Variants in GABRA2 observed in about 807,000 individuals in gnomAD.
GABRA2 encodes the protein gamma-aminobutyric acid type A receptor subunit alpha2.
A neutral mutation model predicts 48.7 loss-of-function variants in GABRA2; 16 were observed. The observed-to-expected ratio is 0.33, with a 90% CI of 0.22 to 0.50. The LOEUF (loss-of-function observed/expected upper bound fraction) is 0.50. GABRA2 is among the 20% of genes least tolerant of loss of function. The probability of loss-of-function intolerance (pLI) is 0.98; values close to 1 mark genes in which losing one functional copy is unlikely to be tolerated. For synonymous variants in GABRA2, 185 were observed against 184.5 expected (o/e 1.00, Z -0.02); for missense variants, 275 against 535.6 (o/e 0.51, Z 4.80).
chr4:46,356,056 C>T (rs1188929485), intron 3 of GABRA2, among the ~76,000 whole-genome samples: 1 of 152,156 alleles, frequency 6.6e-6, no homozygotes, highest in East Asian at 1.9e-4. Flanking sequence ...AAGGTGCCAA[C>T]ACTATACCCC....
intron 8 of GABRA2, among the ~76,000 whole-genome samples, chr4:46,301,283 C>T (rs540873913): frequency 6.6e-6 from 1 of 152,208 alleles, no homozygotes; most frequent in Admixed American, 6.5e-5. Flanking sequence ...TAAATATGTA[C>T]AGATTTTTAC....
intron 8 of GABRA2, among the ~76,000 whole-genome samples, chr4:46,291,796 T>TATATATAC (rs1292821999): frequency 1.1e-4 from 16 of 150,270 alleles, no homozygotes; most frequent in Admixed American, 4.0e-4. Flanking sequence ...TATATACATA[T>TATATATAC]ACATATATAT....
chr4:46,273,504 T>TATATATATATATATATATATATATATGC (rs1719853857), intron 8 of GABRA2, among the ~76,000 whole-genome samples: 17 of 19,958 alleles, frequency 8.5e-4, no homozygotes, highest in Non-Finnish European at 1.2e-3. Flanking sequence ...TATATATGCA[T>TATATATATATATATATATATATATATGC]ATATATATAT....
chr4:46,269,019 T>G (rs932712351), intron 8 of GABRA2, among the ~76,000 whole-genome samples: 71 of 151,792 alleles, frequency 4.7e-4, no homozygotes, highest in African/African-American at 1.7e-3. Context: ...AGAAGAATGG[T>G]AGTCACTAGA....
At chr4:46,327,856 T>G (rs1287306176) in intron 4 of GABRA2, among the ~76,000 whole-genome samples, 1 of 152,054 alleles carries the variant, frequency 6.6e-6, no homozygotes, top group Non-Finnish European at 1.5e-5. Flanking sequence ...TCAAGATTAC[T>G]TCAAAGTTTT....
intron 8 of GABRA2, among the ~76,000 whole-genome samples, chr4:46,283,745 G>A (rs1721981048): frequency 1.3e-5 from 2 of 152,054 alleles, no homozygotes; most frequent in South Asian, 2.1e-4. Context: ...TGTTTGATTC[G>A]AGTTTCTTAG....
chr4:46,330,589 T>TAGAG lies in GABRA2; in HGVS notation c.255+2025_255+2026insCTCT, dbSNP rs1322712224. Among the ~76,000 whole-genome samples, 901 of 124,622 alleles carry TAGAG rather than the reference T, an allele frequency of 7.2e-3. 4 individuals carry two copies. The highest frequency in any genetic ancestry group is 0.011 in the Non-Finnish European group (630 of 58,664). 81.8% of individuals were successfully genotyped at this position (124,622 alleles called of 152,430 possible). ...ATATATATATATATATATATATATA[T>TAGAG]ATAGAGAGAGAGAGAGAGAGATGTT... On this transcript the variant is annotated intron_variant, in intron 4 of 9. Coordinates refer to ENST00000381620, the MANE Select transcript of GABRA2 (RefSeq NM_000807.4).
chr4:46,319,435 A>G (rs1729081593), intron 4 of GABRA2, among the ~76,000 whole-genome samples: 1 of 151,800 alleles, frequency 6.6e-6, no homozygotes, highest in Non-Finnish European at 1.5e-5. Flanking sequence ...CATGTAGTCT[A>G]TGAAGCAGGT....
At chr4:46,255,701 G>T (rs1715678204) in intron 9 of GABRA2, among the ~76,000 whole-genome samples, 1 of 151,436 alleles carries the variant, frequency 6.6e-6, no homozygotes, top group African/African-American at 2.4e-5. Context: ...TGTTTTGAGT[G>T]TATTACTTTA....
At chr4:46,319,734 A>G (rs191814397) in intron 4 of GABRA2, among the ~76,000 whole-genome samples, 57 of 151,892 alleles carry the variant, frequency 3.8e-4, no homozygotes, top group Admixed American at 2.0e-3. Context: ...TCTTTTTGGA[A>G]CTAGGGGCCA....
chr4:46,307,782 C>T (rs1341503915), intron 6 of GABRA2, among the ~76,000 whole-genome samples: 1 of 152,100 alleles, frequency 6.6e-6, no homozygotes, highest in African/African-American at 2.4e-5. Flanking sequence ...TTTGAAAAAG[C>T]AGTTACTGCA....
chr4:46,280,949 C>G (rs1721415346), intron 8 of GABRA2, among the ~76,000 whole-genome samples: 1 of 152,098 alleles, frequency 6.6e-6, no homozygotes, highest in Non-Finnish European at 1.5e-5. Context: ...GAAAGACAGC[C>G]CTCACCAGAA....
At chr4:46,329,994 A>T (rs1731055772) in intron 4 of GABRA2, among the ~76,000 whole-genome samples, 1 of 152,128 alleles carries the variant, frequency 6.6e-6, no homozygotes, top group African/African-American at 2.4e-5. Flanking sequence ...AAGATGCTGA[A>T]TATGCATTTC....
At chr4:46,344,493 T>C (rs1733817501) in intron 3 of GABRA2, among the ~76,000 whole-genome samples, 1 of 151,938 alleles carries the variant, frequency 6.6e-6, no homozygotes, top group African/African-American at 2.4e-5. Context: ...AAGAGAACTC[T>C]AGCAAAAGGG....
At chr4:46,352,584 A>G (rs896334692) in intron 3 of GABRA2, among the ~76,000 whole-genome samples, 5 of 152,008 alleles carry the variant, frequency 3.3e-5, no homozygotes, top group African/African-American at 1.2e-4. Context: ...GTTCCTAAGG[A>G]TATATCAACA....
chr4:46,262,952 AAGAAAGAGAGAGAG>A (rs1490464207), intron 8 of GABRA2, among the ~76,000 whole-genome samples: 9 of 139,528 alleles, frequency 6.5e-5, no homozygotes, highest in African/African-American at 1.6e-4. Flanking sequence ...GAAAGAAAGA[AAGAAAGAGAGAGAG>A]AGAGAGAGAG....
intron 3 of GABRA2, among the ~76,000 whole-genome samples, chr4:46,352,756 G>A (rs1312767367): frequency 2.0e-5 from 3 of 152,024 alleles, no homozygotes; most frequent in African/African-American, 7.2e-5. Flanking sequence ...GCTCTTAAAA[G>A]GGGAGACTGC....
chr4:46,352,274 T>A (rs1012326852), intron 3 of GABRA2, among the ~76,000 whole-genome samples: 3 of 151,986 alleles, frequency 2.0e-5, no homozygotes, highest in African/African-American at 7.2e-5. Context: ...TATGCCCTGA[T>A]ACTCCTCACC....
At chr4:46,338,174 A>C (rs1732586858) in intron 3 of GABRA2, among the ~76,000 whole-genome samples, 1 of 151,982 alleles carries the variant, frequency 6.6e-6, no homozygotes. Context: ...TCATAAAAAT[A>C]TTTCTGAAAG....
Sources: gnomAD v4.1 joint callset for allele counts (sites outside exome capture counted in the v4.1 genomes callset) on GRCh38, gnomAD v4.1.1 for gene constraint, MANE v1.5 for transcripts, NCBI Gene and HGNC (gene_info 2026-07-23, HGNC 2026-07-21) for gene names.